RIMKLA: variants seen among roughly 807,000 people sequenced by gnomAD.
The protein encoded by RIMKLA is ribosomal modification protein rimK like family member A.
In RIMKLA, 14 loss-of-function variants were observed where a neutral mutation model predicts 32.7. That is an observed-to-expected ratio of 0.43 (90% CI 0.28 to 0.67). RIMKLA has a LOEUF of 0.67. RIMKLA is among the 30% of genes least tolerant of loss of function. The probability of loss-of-function intolerance (pLI) is 0.18; values close to 1 mark genes in which losing one functional copy is unlikely to be tolerated. For synonymous variants in RIMKLA, 176 were observed against 204.1 expected (o/e 0.86, Z 1.18); for missense variants, 410 against 519.0 (o/e 0.79, Z 2.04).
intron 1 of RIMKLA, among the ~76,000 whole-genome samples, chr1:42,384,646 A>ATG (rs759868664): frequency 2.0e-5 from 3 of 150,750 alleles, no homozygotes; most frequent in Admixed American, 1.3e-4. Context: ...ATATATATAT[A>ATG]TATAGTGTTT....
intron 1 of RIMKLA, among the ~76,000 whole-genome samples, chr1:42,390,374 C>T (rs1010859509): frequency 5.3e-5 from 8 of 152,226 alleles, no homozygotes; most frequent in African/African-American, 1.7e-4. Context: ...AATAATGGTA[C>T]ATTTGTATGC....
At chr1:42,387,388 C>A (rs11210632) in intron 1 of RIMKLA, among the ~76,000 whole-genome samples, 29,492 of 132,060 alleles carry the variant, frequency 0.22, 3,273 homozygotes, top group African/African-American at 0.31. Context: ...TAGAGCGAGA[C>A]CCTGTTTCAA....
At chr1:42,391,408 A>G (rs140081804) in intron 1 of RIMKLA, among the ~76,000 whole-genome samples, 1 of 152,174 alleles carries the variant, frequency 6.6e-6, no homozygotes, top group East Asian at 1.9e-4. Flanking sequence ...AGAAGGCAGA[A>G]TGGTCTTCTA....
chr1:42,405,442 C>A (rs1365572311), intron 3 of RIMKLA, among the ~76,000 whole-genome samples: 2 of 152,192 alleles, frequency 1.3e-5, no homozygotes, highest in Non-Finnish European at 2.9e-5. Context: ...GTAGGGACAT[C>A]AGCAACAGAA....
chr1:42,385,842 T>TTCTCTCTCTCTCTCTCTC lies in RIMKLA; in HGVS notation c.163+4750_163+4751insCTCTCTCTCTCTCTCTCT, dbSNP rs200871565. Among the ~76,000 whole-genome samples, 40 of 63,606 alleles carry TTCTCTCTCTCTCTCTCTC rather than the reference T, an allele frequency of 6.3e-4. 3 individuals are homozygous for TTCTCTCTCTCTCTCTCTC. Among genetic ancestry groups the TTCTCTCTCTCTCTCTCTC allele is most frequent in the African/African-American group, 2.3e-3 (38 of 16,460 alleles). 41.7% of individuals were successfully genotyped at this position (63,606 alleles called of 152,430 possible). A position where few individuals can be genotyped will look rare whatever the true frequency, so the allele number is the denominator to read the frequency against. On this transcript the variant is annotated intron_variant, in intron 1 of 4. Transcript: ENST00000431473. ...TTCCTTCCTTCCTTTCTTTCTTTCT[T>TTCTCTCTCTCTCTCTCTC]TCTCTTTCTTTCTTTCTTTCTTTCT...
chr1:42,385,092 A>G (rs1642925175), intron 1 of RIMKLA, among the ~76,000 whole-genome samples: 1 of 152,198 alleles, frequency 6.6e-6, no homozygotes, highest in Non-Finnish European at 1.5e-5. Context: ...TACAGTTTAT[A>G]TCCCCCCTCC....
At position 42,423,477 on chromosome 1, in the gene RIMKLA, T is replaced by C. The variant is rs1643312240; in HGVS notation, c.*8503T>C. 6.6e-6 allele frequency among the ~76,000 whole-genome samples: 1 copy of C among 152,222 alleles called. No homozygotes were observed. Among genetic ancestry groups the C allele is most frequent in the East Asian group, 1.9e-4 (1 of 5,200 alleles). On this transcript the variant is annotated 3_prime_UTR_variant, in exon 5 of 5. Transcript: ENST00000431473. Reference sequence around the variant, plus strand: ...CCCATTGTCTCAAAGAGAACTGCATTTAGCTCCATGGTAGACCAGCGTATT... The same window carrying C: ...CCCATTGTCTCAAAGAGAACTGCATCTAGCTCCATGGTAGACCAGCGTATT...
At chr1:42,405,620 A>G (rs1319153666) in intron 3 of RIMKLA, among the ~76,000 whole-genome samples, 2 of 152,158 alleles carry the variant, frequency 1.3e-5, no homozygotes, top group African/African-American at 4.8e-5. Flanking sequence ...ACAGCACTCT[A>G]TCCTGGGCGA....
At chr1:42,391,958 AC>A (rs1211683665) in intron 1 of RIMKLA, among the ~76,000 whole-genome samples, 1 of 152,096 alleles carries the variant, frequency 6.6e-6, no homozygotes, top group Non-Finnish European at 1.5e-5. Context: ...GAAGGCCAAT[AC>A]TGTATCCACT....
At chr1:42,387,605 C>T (rs995704321) in intron 1 of RIMKLA, among the ~76,000 whole-genome samples, 4 of 152,072 alleles carry the variant, frequency 2.6e-5, no homozygotes, top group African/African-American at 9.7e-5. Context: ...CCACTCTGTG[C>T]CAGGCATTGT....
intron 1 of RIMKLA, among the ~76,000 whole-genome samples, chr1:42,383,750 G>C (rs927497618): frequency 1.3e-5 from 2 of 152,174 alleles, no homozygotes; most frequent in African/African-American, 4.8e-5. Flanking sequence ...GCTCTGAAAG[G>C]TGAAGTGACT....
In RIMKLA at chr1:42,380,931, C is replaced by G. The variant is rs1411389108; in HGVS notation, c.-4C>G. The G allele has an allele frequency of 7.1e-7, 1 of 1,408,136 alleles. No homozygotes were observed. The highest frequency in any genetic ancestry group is 9.3e-7 in the Non-Finnish European group (1 of 1,078,792). 87.2% of individuals were successfully genotyped at this position (1,408,136 alleles called of 1,614,324 possible). On this transcript the variant is annotated 5_prime_UTR_variant, in exon 1 of 5. Transcript: ENST00000431473. ...GCCGCGCGGGGCGCACCGCCCTGGC[C>G]GCCATGTGCTCCCAGCTCTGGTTCC...
intron 1 of RIMKLA, among the ~76,000 whole-genome samples, chr1:42,395,221 A>T (rs908834992): frequency 6.6e-6 from 1 of 152,242 alleles, no homozygotes; most frequent in South Asian, 2.1e-4. Context: ...TTTTTAGAAC[A>T]TAGAGAAAAT....
intron 1 of RIMKLA, chr1:42,396,558 C>A (rs986912711): frequency 6.6e-6 from 1 of 152,198 alleles, no homozygotes; most frequent in Non-Finnish European, 1.5e-5. Flanking sequence ...TCTCTGTCCA[C>A]TTGTGGTTGG....
chr1:42,407,865 A>G (rs1324398068), intron 3 of RIMKLA, among the ~76,000 whole-genome samples: 2 of 152,108 alleles, frequency 1.3e-5, no homozygotes, highest in East Asian at 3.8e-4. Context: ...TGATTAACCA[A>G]TCTTACTGCC....
In RIMKLA at chr1:42,385,838, T is replaced by TC. The variant is rs1557749878; in HGVS notation, c.163+4741_163+4742insC. On this transcript the variant is annotated intron_variant, in intron 1 of 4. Transcript: ENST00000431473. ...TTCCTTCCTTCCTTCCTTTCTTTCT[T>TC]TCTTTCTCTTTCTTTCTTTCTTTCT... Among the ~76,000 whole-genome samples the TC allele has an allele frequency of 7.2e-4, 50 of 69,544 alleles. 5 individuals are homozygous for TC. The highest frequency in any genetic ancestry group is 1.8e-3 in the African/African-American group (41 of 22,594). 45.6% of individuals were successfully genotyped at this position (69,544 alleles called of 152,430 possible). A position where few individuals can be genotyped will look rare whatever the true frequency, so the allele number is the denominator to read the frequency against.
chr1:42,404,444 C>T (rs1051671753), intron 2 of RIMKLA, 67 bp from the exon 3 acceptor site: 22 of 1,023,284 alleles, frequency 2.1e-5, no homozygotes, highest in South Asian at 9.0e-5. Flanking sequence ...TACAGAGGGG[C>T]GGGGCTGGGG....
chr1:42,384,969 T>C (rs1192088292), intron 1 of RIMKLA, among the ~76,000 whole-genome samples: 1 of 152,216 alleles, frequency 6.6e-6, no homozygotes, highest in Non-Finnish European at 1.5e-5. Flanking sequence ...AAAGGCTTGC[T>C]TGCGCTCCTT....
At chr1:42,391,639 T>C (rs890144065) in intron 1 of RIMKLA, among the ~76,000 whole-genome samples, 1 of 151,684 alleles carries the variant, frequency 6.6e-6, no homozygotes, top group African/African-American at 2.4e-5. Context: ...AGAGTGGAGA[T>C]GGGAAGAGGT....
Sources: allele counts gnomAD v4.1 joint callset (sites outside exome capture counted in the v4.1 genomes callset), GRCh38; gene constraint gnomAD v4.1.1; transcripts MANE v1.5; gene names NCBI Gene and HGNC (gene_info 2026-07-23, HGNC 2026-07-21).